Variants in EVC2 observed in about 807,000 individuals in gnomAD.
EVC2 encodes EvC ciliary complex subunit 2, also known as limbin.
In EVC2, 148 loss-of-function variants were observed where a neutral mutation model predicts 149.3. That is an observed-to-expected ratio of 0.99 (90% confidence interval 0.87 to 1.14). The LOEUF (loss-of-function observed/expected upper bound fraction) is 1.14. EVC2 is among the 50% of genes most tolerant of loss of function. EVC2 has a pLI of 0.00. For missense variants in EVC2, 1,854 were observed against 1,627.3 expected (o/e 1.14, Z -2.40); for synonymous variants, 776 against 649.9 (o/e 1.19, Z -2.95).
chr4:5,562,994 CTG>C lies in EVC2; in HGVS notation c.3779_3780del (p.Ala1260GlyfsTer4), dbSNP rs760744396. ...GELAPVPIVG[A>X]ETIDLLNTGE... is the part of the protein sequence containing the mutation. ...CCTGTGTTTAATAGATCAATGGTTT[CTG>C]CCCCTACAATGGGTACAGGGGCCAG... On this transcript the variant is annotated frameshift_variant, in exon 22 of 22. Transcript: ENST00000344408. LOFTEE classifies it high-confidence loss of function. This position sits in a 1 kb window ranked among gnomAD's most constrained non-coding sequence, Gnocchi z 4.3. The C allele has an allele frequency of 1.2e-6, 2 of 1,614,086 alleles. No individual in the cohort carries two copies. Among genetic ancestry groups the C allele is most frequent in the African/African-American group, 2.7e-5 (2 of 74,920 alleles).
chr4:5,617,078 G>T (rs995802563), intron 15 of EVC2, among the ~76,000 whole-genome samples: 1 of 150,692 alleles, frequency 6.6e-6, no homozygotes, highest in Non-Finnish European at 1.5e-5. Flanking sequence ...AAGAACAGAA[G>T]TAGGGAAAAA....
Position 5,614,990 on chromosome 4 carries a change from CCAAA to C in EVC2, c.2829+428_2829+431del, listed in dbSNP as rs565864177. ...AGACTCCATTTCAAAAAAACCAAAA[CCAAA>C]CAAACAAAAAAAAATGGGGCTGAAG... On this transcript the variant is annotated intron_variant, in intron 16 of 21. Coordinates refer to ENST00000344408, the MANE Select transcript of EVC2 (RefSeq NM_147127.5). The surrounding 1 kb of genome is among the most constrained non-coding windows in gnomAD (Gnocchi z 4.7). 1.1e-3 allele frequency among the ~76,000 whole-genome samples: 162 copies of C among 151,820 alleles called. No individual in the cohort carries two copies. Among genetic ancestry groups the C allele is most frequent in the Non-Finnish European group, 2.0e-3 (134 of 67,922 alleles).
chr4:5,681,261 G>C lies in EVC2; in HGVS notation c.869C>G (p.Thr290Arg). 1.2e-6 allele frequency: 2 copies of C among 1,614,210 alleles called. No homozygotes were observed. Among genetic ancestry groups the C allele is most frequent in the Admixed American group, 3.3e-5 (2 of 60,022 alleles). Residue 290 changes from threonine (T) to arginine (R), a missense_variant and splice_region_variant, in exon 7 of 22, where the codon ACG becomes AGG. By Grantham distance (71) the Thr-to-Arg change is moderately conservative (BLOSUM62 -1). Transcript: ENST00000344408. ...CTCAGGGCATGTCATGTCTCTTACC[G>C]TTACGTTTTCTTCTGCTGTTATGGA... ...LFSITAEENVTVLPHHGLHAA... is the reference protein window; with the variant it reads ...LFSITAEENVRVLPHHGLHAA...
intron 7 of EVC2, among the ~76,000 whole-genome samples, chr4:5,668,907 C>T (rs1392922979): frequency 6.6e-6 from 1 of 152,132 alleles, no homozygotes; most frequent in Non-Finnish European, 1.5e-5. Flanking sequence ...ATTGTCTTTG[C>T]AGATGTAGAC....
downstream of EVC2, among the ~76,000 whole-genome samples, chr4:5,557,708 G>A (rs566846586): frequency 1.3e-5 from 2 of 152,246 alleles, no homozygotes; most frequent in South Asian, 4.1e-4. Flanking sequence ...AATTGGTGAG[G>A]ATAGTAAGGT....
downstream of EVC2, among the ~76,000 whole-genome samples, chr4:5,542,253 A>C (rs189211230): frequency 5.3e-5 from 8 of 152,074 alleles, no homozygotes; most frequent in East Asian, 1.6e-3. Context: ...AGAGTTTGAG[A>C]CCAGCCTGGG....
intron 1 of EVC2, among the ~76,000 whole-genome samples, chr4:5,700,548 A>C (rs1223644706): frequency 6.6e-6 from 1 of 152,266 alleles, no homozygotes; most frequent in African/African-American, 2.4e-5. Flanking sequence ...CTCAGGAGGA[A>C]GGGGCAGGTT....
intron 21 of EVC2, chr4:5,543,228 A>T: frequency 7.8e-7 from 1 of 1,289,264 alleles, no homozygotes; most frequent in African/African-American, 1.5e-5. Context: ...ACAGGATACA[A>T]TCCTGGTCTA....
rs1482886497 is a variant in EVC2, at chr4:5,628,550, G to C, written c.1886+9C>G. 6.2e-7 allele frequency: 1 copy of C among 1,614,072 alleles called. No individual in the cohort carries two copies. The highest frequency in any genetic ancestry group is 8.5e-7 in the Non-Finnish European group (1 of 1,180,024). ...CAGTTCGCACTGTTGGGACAGTGTT[G>C]AGTGGTACCTCTCGTGCTTCTGAAT... On this transcript the variant is annotated intron_variant, in intron 12 of 21. Transcript: ENST00000344408.
At chr4:5,674,259 G>C (rs938471664) in intron 7 of EVC2, among the ~76,000 whole-genome samples, 1 of 152,066 alleles carries the variant, frequency 6.6e-6, no homozygotes, top group Non-Finnish European at 1.5e-5. Context: ...ACTTACCAAC[G>C]CAGCTTTGCT....
At chr4:5,693,210 G>C (rs1204773420) in intron 3 of EVC2, among the ~76,000 whole-genome samples, 1 of 152,202 alleles carries the variant, frequency 6.6e-6, no homozygotes, top group South Asian at 2.1e-4. Flanking sequence ...AACTGGAGAG[G>C]ACTGGAAAGA....
the EVC2 span, among the ~76,000 whole-genome samples, chr4:5,535,685 A>G: frequency 6.6e-6 from 1 of 151,466 alleles, no homozygotes. This position sits in a 1 kb window ranked among gnomAD's most constrained non-coding sequence, Gnocchi z 4.7. Context: ...TAATCCCACC[A>G]TGGGGGCCCC....
chr4:5,663,142 G>A lies in EVC2; in HGVS notation c.1110C>T (p.Ser370=), dbSNP rs748718225. Residue 370 remains serine (S), a synonymous_variant, in exon 9 of 22, where the codon TCC becomes TCT. Transcript: ENST00000344408. Reference sequence around the variant, plus strand: ...CTTGAAGCATGCTCCCAGGGTCCTCGGAAGACAGAATGTCTATCATTTGGT... The same window carrying A: ...CTTGAAGCATGCTCCCAGGGTCCTCAGAAGACAGAATGTCTATCATTTGGT... ...LNDQMIDILS[S]EDPGSMLQAL... The A allele has an allele frequency of 9.3e-6, 15 of 1,613,962 alleles. No individual in the cohort carries two copies. Among genetic ancestry groups the A allele is most frequent in the South Asian group, 2.2e-5 (2 of 91,070 alleles).
downstream of EVC2, among the ~76,000 whole-genome samples, chr4:5,542,039 TAAG>T (rs991197422): frequency 1.3e-5 from 2 of 152,168 alleles, no homozygotes; most frequent in Admixed American, 6.5e-5. Flanking sequence ...TAGGGCCTTA[TAAG>T]AAGAAGCCAG....
intron 1 of EVC2, among the ~76,000 whole-genome samples, chr4:5,698,116 T>A (rs149023063): frequency 6.6e-6 from 1 of 152,188 alleles, no homozygotes; most frequent in East Asian, 1.9e-4. Context: ...CCCGGCAGCT[T>A]CTGAGTAAAG....
At chr4:5,578,706 G>GGA (rs141683533) in intron 17 of EVC2, among the ~76,000 whole-genome samples, 17 of 151,942 alleles carry the variant, frequency 1.1e-4, no homozygotes, top group Middle Eastern at 3.4e-3. Context: ...ACAGAAACGG[G>GGA]GAGAGAGAGA....
At chr4:5,544,803 T>A (rs1721582223) in intron 21 of EVC2, among the ~76,000 whole-genome samples, 1 of 152,044 alleles carries the variant, frequency 6.6e-6, no homozygotes, top group Non-Finnish European at 1.5e-5. Context: ...GACCCACAGA[T>A]CAAAACTCGG....
intron 1 of EVC2, among the ~76,000 whole-genome samples, chr4:5,701,340 T>C (rs768078163): frequency 1.3e-5 from 2 of 152,214 alleles, no homozygotes; most frequent in Non-Finnish European, 2.9e-5. Flanking sequence ...ATAATGTCAA[T>C]TCCCATGGCC....
At chr4:5,706,337 G>GATAGATAGATACATAGATACATAGATAC in intron 1 of EVC2, among the ~76,000 whole-genome samples, 1 of 54,240 alleles carries the variant, frequency 1.8e-5, no homozygotes, top group Admixed American at 2.6e-4. Context: ...TAGATAGATA[G>GATAGATAGATACATAGATACATAGATAC]ATACATAGAT....
Sources: allele counts gnomAD v4.1 joint callset (sites outside exome capture counted in the v4.1 genomes callset), GRCh38; gene constraint gnomAD v4.1.1; non-coding constraint Gnocchi (gnomAD v3.1); transcripts MANE v1.5; gene names NCBI Gene and HGNC (gene_info 2026-07-23, HGNC 2026-07-21).